Variants in LRMDA observed in about 807,000 individuals in gnomAD.
The protein encoded by LRMDA is leucine-rich melanocyte differentiation-associated protein.
A neutral mutation model predicts 29.8 loss-of-function variants in LRMDA; 18 were observed. The ratio of observed to expected loss-of-function variants is 0.60; its 90% confidence interval spans 0.42 to 0.90. The LOEUF (loss-of-function observed/expected upper bound fraction) is 0.90, where lower values mean the gene tolerates loss of function less well. LRMDA is among the 40% of genes least tolerant of loss of function. LRMDA has a pLI of 0.00. For missense variants in LRMDA, 273 were observed against 273.9 expected, an observed-to-expected ratio of 1.00 and a Z score of 0.02; for synonymous variants, 125 against 109.4, an observed-to-expected ratio of 1.14 and a Z score of -0.89.
intron 2 of LRMDA, among the ~76,000 whole-genome samples, chr10:75,715,109 G>A (rs1340063091): frequency 1.3e-5 from 2 of 152,116 alleles, no homozygotes; most frequent in South Asian, 2.1e-4. Flanking sequence ...GCAGGAGCCC[G>A]ATTCCTCAGT....
intron 6 of LRMDA, among the ~76,000 whole-genome samples, chr10:76,365,061 C>CAT (rs1841372044): frequency 3.4e-5 from 3 of 89,366 alleles, no homozygotes; most frequent in Non-Finnish European, 7.2e-5. Flanking sequence ...AGTATTCCAT[C>CAT]GTATATATAT....
intron 5 of LRMDA, among the ~76,000 whole-genome samples, chr10:76,276,441 G>A (rs1453319429): frequency 1.3e-5 from 2 of 151,998 alleles, no homozygotes; most frequent in Non-Finnish European, 2.9e-5. Context: ...ACTGCACCTG[G>A]CCTCTAGTGA....
intron 2 of LRMDA, among the ~76,000 whole-genome samples, chr10:76,021,755 GAGA>G (rs1275750118): frequency 6.6e-6 from 1 of 152,210 alleles, no homozygotes; most frequent in East Asian, 1.9e-4. Flanking sequence ...CACCCAGAGA[GAGA>G]AGGAGAGACC....
intron 2 of LRMDA, among the ~76,000 whole-genome samples, chr10:75,765,935 T>C (rs535353377): frequency 7.0e-4 from 107 of 152,206 alleles, no homozygotes; most frequent in Non-Finnish European, 1.4e-3. Flanking sequence ...GCATGGAGTA[T>C]GCAATCAGAT....
rs551449811 is a variant in LRMDA at position 76,298,696 on chromosome 10, G to C, written c.517-25705G>C. On this transcript the variant is annotated intron_variant, in intron 5 of 6. Coordinates refer to ENST00000611255, the MANE Select transcript of LRMDA (RefSeq NM_001305581.2). The stretch of plus-strand genomic sequence containing the variant: ...TCATCAAGGAAGCATGTAGTTAAAG[G>C]AACAACATGGGCTGTGCCTTAAAAA... Among the ~76,000 whole-genome samples the C allele has an allele frequency of 7.4e-4, 112 of 152,306 alleles. 1 individual carries two copies. Among genetic ancestry groups the C allele is most frequent in the Non-Finnish European group, 6.5e-4 (44 of 68,018 alleles).
At chr10:75,519,994 T>G (rs943108696) in intron 2 of LRMDA, among the ~76,000 whole-genome samples, 7 of 152,234 alleles carry the variant, frequency 4.6e-5, no homozygotes, top group Non-Finnish European at 1.0e-4. Context: ...TTTAAGAATG[T>G]TGAATATTGG....
In LRMDA at chr10:75,797,859, C is replaced by G. The variant is rs1222147460; in HGVS notation, c.132-238149C>G. 5.3e-5 allele frequency among the ~76,000 whole-genome samples: 8 copies of G among 152,152 alleles called. No homozygotes were observed. The East Asian group carries it at 1.3e-3, about 26-fold the overall frequency. ...TCTTGTGTTGACATATATTTCACTTCATTTGGATACATACCTTTGAGTCAA... is the reference window on the plus strand; with the variant it reads ...TCTTGTGTTGACATATATTTCACTTGATTTGGATACATACCTTTGAGTCAA... On this transcript the variant is annotated intron_variant, in intron 2 of 6. Coordinates refer to ENST00000611255, the MANE Select transcript of LRMDA (RefSeq NM_001305581.2).
chr10:76,281,056 C>T (rs1052596906), intron 5 of LRMDA, among the ~76,000 whole-genome samples: 4 of 152,208 alleles, frequency 2.6e-5, no homozygotes, highest in African/African-American at 9.6e-5. Flanking sequence ...AAATGGTTGT[C>T]TGGCATCTTC....
intron 6 of LRMDA, among the ~76,000 whole-genome samples, chr10:76,333,425 GT>G (rs1840928233): frequency 6.6e-6 from 1 of 152,156 alleles, no homozygotes; most frequent in Non-Finnish European, 1.5e-5. Flanking sequence ...ACCAGGTTCT[GT>G]GCCCATAGAC....
intron 2 of LRMDA, among the ~76,000 whole-genome samples, chr10:75,721,886 C>G (rs1842572091): frequency 6.6e-6 from 1 of 152,258 alleles, no homozygotes; most frequent in East Asian, 1.9e-4. Context: ...GTAGCAACAA[C>G]CAGTGGCTAA....
At chr10:76,017,614 A>C (rs79140843) in intron 2 of LRMDA, among the ~76,000 whole-genome samples, 1 of 152,108 alleles carries the variant, frequency 6.6e-6, no homozygotes, top group East Asian at 1.9e-4. Context: ...CCATTCTCTA[A>C]AAGGTGTCTG....
chr10:76,466,329 T>C (rs1842564114), intron 6 of LRMDA, among the ~76,000 whole-genome samples: 2 of 152,028 alleles, frequency 1.3e-5, no homozygotes, highest in Admixed American at 1.3e-4. Context: ...ATGGGATAAA[T>C]GGAGAGGAGC....
intron 6 of LRMDA, among the ~76,000 whole-genome samples, chr10:76,445,188 T>C (rs1287294225): frequency 6.6e-6 from 1 of 152,128 alleles, no homozygotes; most frequent in African/African-American, 2.4e-5. Flanking sequence ...TAGGATAATT[T>C]GCCCCTGGAT....
At chr10:75,967,779 G>T (rs543354902) in intron 2 of LRMDA, among the ~76,000 whole-genome samples, 15 of 152,192 alleles carry the variant, frequency 9.9e-5, no homozygotes, top group Admixed American at 3.3e-4. Flanking sequence ...GGGCAGGGGT[G>T]GGGGAGGAGC....
rs564649072 is a variant in LRMDA, at chr10:75,669,140, G to A, written c.131+230646G>A. On this transcript the variant is annotated intron_variant, in intron 2 of 6. Coordinates refer to ENST00000611255, the MANE Select transcript of LRMDA (RefSeq NM_001305581.2). The stretch of plus-strand genomic sequence containing the variant: ...ATGTTGTATTTGGGATCCCCACAAA[G>A]TCCCACAAAGGTATCTTCTGTTTTC... 2.0e-5 allele frequency among the ~76,000 whole-genome samples: 3 copies of A among 152,300 alleles called. No homozygotes were observed. In the East Asian group the frequency reaches 5.8e-4, roughly 29 times the overall value.
chr10:75,618,797 A>T (rs1192246471), intron 2 of LRMDA, among the ~76,000 whole-genome samples: 8 of 134,624 alleles, frequency 5.9e-5, no homozygotes, highest in African/African-American at 2.2e-4. Flanking sequence ...TTTTTTTGAG[A>T]TGGAATTTCA....
intron 2 of LRMDA, among the ~76,000 whole-genome samples, chr10:75,916,349 G>A (rs1423163388): frequency 6.6e-6 from 1 of 152,114 alleles, no homozygotes; most frequent in Non-Finnish European, 1.5e-5. Context: ...GGCACACATG[G>A]CTATTGCTGG....
At chr10:75,758,092 G>A (rs957531771) in intron 2 of LRMDA, among the ~76,000 whole-genome samples, 14 of 152,190 alleles carry the variant, frequency 9.2e-5, no homozygotes, top group African/African-American at 3.4e-4. Context: ...GAGCCACCAC[G>A]CCCAGCCAGC....
chr10:76,006,441 G>A (rs1215735693), intron 2 of LRMDA, among the ~76,000 whole-genome samples: 1 of 152,142 alleles, frequency 6.6e-6, no homozygotes, highest in Non-Finnish European at 1.5e-5. Flanking sequence ...TTGGAAACCA[G>A]GTGGGTAAGA....
Sources: allele counts gnomAD v4.1 joint callset (sites outside exome capture counted in the v4.1 genomes callset), GRCh38; gene constraint gnomAD v4.1.1; transcripts MANE v1.5; gene names NCBI Gene and HGNC (gene_info 2026-07-23, HGNC 2026-07-21).